ACTL6A: variants seen among roughly 807,000 people sequenced by gnomAD.
The protein encoded by ACTL6A is actin-like protein 6A.
Under a neutral mutation model 59.2 loss-of-function variants are expected in ACTL6A, and 5 were observed. The ratio of observed to expected loss-of-function variants is 0.08; its 90% CI spans 0.04 to 0.18. The LOEUF (loss-of-function observed/expected upper bound fraction) is 0.18. Ranked by LOEUF, ACTL6A falls within the 10% of genes least tolerant of loss-of-function variation. The probability of loss-of-function intolerance (pLI) is 1.00; values close to 1 mark genes in which losing one functional copy is unlikely to be tolerated. For synonymous variants in ACTL6A, 154 were observed against 171.8 expected (o/e 0.90, Z 0.81); for missense variants, 285 against 526.9 (o/e 0.54, Z 4.49).
chr3:179,569,398 C>A (rs960344883), intron 1 of ACTL6A, among the ~76,000 whole-genome samples: 1 of 152,094 alleles, frequency 6.6e-6, no homozygotes, highest in Non-Finnish European at 1.5e-5. Context: ...CAAATAATTC[C>A]CTTTAATAAG....
Position 179,562,932 on chromosome 3 carries a change from G to A in ACTL6A, c.-161G>A, listed in dbSNP as rs1339075898. Reference sequence around the variant, plus strand: ...GCTGATAGGAGGAGCCAGCAAGTGTGGCTGAGCTCCGGGGTGTGTGGACGC... The same window carrying A: ...GCTGATAGGAGGAGCCAGCAAGTGTAGCTGAGCTCCGGGGTGTGTGGACGC... On this transcript the variant is annotated 5_prime_UTR_variant, in exon 1 of 14. Transcript: ENST00000429709. The A allele has an allele frequency of 1.0e-5, 9 of 863,524 alleles. No homozygotes were observed. The highest frequency in any genetic ancestry group is 2.9e-5 in the South Asian group (2 of 69,818). 53.5% of individuals were successfully genotyped at this position (863,524 alleles called of 1,614,324 possible).
chr3:179,570,026 T>C lies in ACTL6A; in HGVS notation c.103-41T>C. 3 of 1,593,990 alleles carry C rather than the reference T, an allele frequency of 1.9e-6. No individual in the cohort carries two copies. Among genetic ancestry groups the C allele is most frequent in the South Asian group, 1.1e-5 (1 of 88,006 alleles). The stretch of plus-strand genomic sequence containing the variant: ...AATTGGGGAAAAAATGCCTTCTTGA[T>C]GAAAGGTGAAACTTGTATGTCATGT... On this transcript the variant is annotated intron_variant, in intron 2 of 13. Transcript: ENST00000429709. The surrounding 1 kb of genome is among the most constrained non-coding windows in gnomAD (Gnocchi z 4.3).
At chr3:179,563,166 G>C in intron 1 of ACTL6A, 49 bp downstream of exon 1, 1 of 1,574,646 alleles carries the variant, frequency 6.4e-7, no homozygotes, top group South Asian at 1.1e-5. Context: ...GGCGTGTGGG[G>C]TTTGTAACCG....
rs1404353194 is a variant in ACTL6A at position 179,570,261 on chromosome 3, G to T, written c.277+20G>T. On this transcript the variant is annotated intron_variant, in intron 3 of 13. Transcript: ENST00000429709. The surrounding 1 kb of genome is among the most constrained non-coding windows in gnomAD (Gnocchi z 4.3). The stretch of plus-strand genomic sequence containing the variant: ...GGATGGGTATGATGTTTTCCCCATG[G>T]AATTGATTATGGAGTGTACATGTTA... The T allele has an allele frequency of 6.2e-6, 10 of 1,601,938 alleles. No individual in the cohort carries two copies. The highest frequency in any genetic ancestry group is 4.5e-5 in the East Asian group (2 of 44,780).
In ACTL6A at chr3:179,562,982, C is replaced by T; in HGVS notation, c.-111C>T. ...CCGCTTTGTTGCCTGAGGTGGGTGG[C>T]GGTGGAAGTTAAGGGAGTCAGGGGC... On this transcript the variant is annotated 5_prime_UTR_variant, in exon 1 of 14. Coordinates refer to ENST00000429709, the MANE Select transcript of ACTL6A (RefSeq NM_004301.5). The T allele has an allele frequency of 2.1e-6, 3 of 1,408,894 alleles. No homozygotes were observed. Among genetic ancestry groups the T allele is most frequent in the Non-Finnish European group, 2.9e-6 (3 of 1,025,432 alleles). 87.3% of individuals were successfully genotyped at this position (1,408,894 alleles called of 1,614,324 possible). A position where few individuals can be genotyped will look rare whatever the true frequency, so the allele number is the denominator to read the frequency against.
chr3:179,569,302 A>G (rs186344584), intron 1 of ACTL6A, among the ~76,000 whole-genome samples: 8 of 152,224 alleles, frequency 5.3e-5, no homozygotes, highest in Admixed American at 3.9e-4. Flanking sequence ...AAGAATGGCA[A>G]TGGATCCATT....
chr3:179,587,051 G>C (rs1474812086), intron 13 of ACTL6A, among the ~76,000 whole-genome samples: 2 of 152,166 alleles, frequency 1.3e-5, no homozygotes, highest in African/African-American at 2.4e-5. Flanking sequence ...TGAAGTCATG[G>C]TGCGGGGTGT....
chr3:179,571,457 G>A (rs150044577), intron 3 of ACTL6A, among the ~76,000 whole-genome samples: 221 of 151,452 alleles, frequency 1.5e-3, no homozygotes, highest in Non-Finnish European at 2.5e-3. Context: ...AGCTTATCAG[G>A]GATAGCCAAA....
chr3:179,568,958 C>T (rs1717920408), intron 1 of ACTL6A, among the ~76,000 whole-genome samples: 1 of 152,210 alleles, frequency 6.6e-6, no homozygotes, highest in African/African-American at 2.4e-5. Context: ...AGCTGTTGAA[C>T]ATTCTTTTGC....
At chr3:179,578,834 C>T (rs1256009182) in intron 8 of ACTL6A, among the ~76,000 whole-genome samples, 2 of 152,052 alleles carry the variant, frequency 1.3e-5, no homozygotes, top group East Asian at 1.9e-4. Context: ...GGTGCAGTCT[C>T]GGCTCACTGC....
Position 179,574,405 on chromosome 3 carries a change from G to A in ACTL6A, c.414G>A (p.Glu138=). 6.2e-7 allele frequency: 1 copy of A among 1,613,254 alleles called. No homozygotes were observed. The highest frequency in any genetic ancestry group is 2.2e-5 in the East Asian group (1 of 44,792). The stretch of plus-strand genomic sequence containing the variant: ...GAGCAAAGAGAGAGAAACTGACAGA[G>A]TTAATGTTTGAACACTACAACATCC... ...NTRAKREKLT[E]LMFEHYNIPA... Residue 138 remains glutamate, a synonymous_variant, in exon 5 of 14, where the codon GAG becomes GAA. Transcript: ENST00000429709.
At chr3:179,575,168 T>G in intron 5 of ACTL6A, 1 of 344,294 alleles carries the variant, frequency 2.9e-6, no homozygotes, top group South Asian at 2.3e-5. Flanking sequence ...AAAGTGCTAG[T>G]CTGCTTTAAG....
At chr3:179,568,773 T>A (rs1717915052) in intron 1 of ACTL6A, among the ~76,000 whole-genome samples, 1 of 152,216 alleles carries the variant, frequency 6.6e-6, no homozygotes, top group African/African-American at 2.4e-5. Flanking sequence ...TGGCAAGCAG[T>A]GTGTCAATTA....
chr3:179,573,520 CT>C (rs71907893), intron 4 of ACTL6A, 51 bp downstream of exon 4: 548,803 of 982,988 alleles, frequency 0.56, 112,800 homozygotes, highest in African/African-American at 0.76. Flanking sequence ...TTTTTTTTTT[CT>C]TTTTTTTTTC....
intron 8 of ACTL6A, among the ~76,000 whole-genome samples, chr3:179,578,644 TTC>T (rs773915724): frequency 2.6e-5 from 4 of 152,124 alleles, no homozygotes; most frequent in Non-Finnish European, 5.9e-5. Context: ...CAAATGGTAG[TTC>T]TGTTTTTAGC....
rs775974972 is a variant in ACTL6A, at chr3:179,586,599, C to T, written c.1176C>T (p.Ser392=). 10 of 1,600,352 alleles carry T rather than the reference C, an allele frequency of 6.2e-6. No individual in the cohort carries two copies. Among genetic ancestry groups the T allele is most frequent in the Non-Finnish European group, 6.0e-6 (7 of 1,176,108 alleles). Residue 392 remains serine, a synonymous_variant, in exon 13 of 14, where the codon AGC becomes AGT. Coordinates refer to ENST00000429709, the MANE Select transcript of ACTL6A (RefSeq NM_004301.5). ...ANNTTVERRF[S]SWIGGSILAS... ...ATACAACAGTGGAACGGAGGTTTAG[C>T]TCATGGATTGGCGGCTCCATTCTAG...
At position 179,576,588 on chromosome 3, in the gene ACTL6A, G is replaced by T. The variant is rs750241985; in HGVS notation, c.572-32G>T. ...TCGTTCAAGGAAGTTTGGACTTACT[G>T]CCCTCTTAGCCTTGTTTCATCTGTT... is the stretch of plus-strand genomic sequence containing the variant. On this transcript the variant is annotated intron_variant, in intron 6 of 13. Transcript: ENST00000429709. 6.5e-7 allele frequency: 1 copy of T among 1,537,766 alleles called. No individual in the cohort carries two copies. The highest frequency in any genetic ancestry group is 9.0e-7 in the Non-Finnish European group (1 of 1,117,024).
At chr3:179,573,050 C>T (rs1443084281) in intron 3 of ACTL6A, among the ~76,000 whole-genome samples, 4 of 149,148 alleles carry the variant, frequency 2.7e-5, no homozygotes, top group African/African-American at 9.8e-5. Context: ...TCTGTACTTC[C>T]TATTATCATT....
At chr3:179,577,107 T>TA (rs1430718383) in intron 8 of ACTL6A, among the ~76,000 whole-genome samples, 194 bp downstream of exon 8, 1 of 152,336 alleles carries the variant, frequency 6.6e-6, no homozygotes, top group East Asian at 1.9e-4. Flanking sequence ...TCTATATTTT[T>TA]AATGATATTT....
Sources: allele counts gnomAD v4.1 joint callset (sites outside exome capture counted in the v4.1 genomes callset), GRCh38; gene constraint gnomAD v4.1.1; non-coding constraint Gnocchi (gnomAD v3.1); transcripts MANE v1.5; gene names NCBI Gene and HGNC (gene_info 2026-07-23, HGNC 2026-07-21).